The following TNPO3 variants were observed in gnomAD, a reference collection of about 807,000 sequenced individuals.
TNPO3 encodes the protein transportin-3.
A neutral mutation model predicts 122.8 loss-of-function variants in TNPO3; 65 were observed. The observed-to-expected ratio is 0.53, with a 90% CI of 0.43 to 0.65. TNPO3 has a LOEUF of 0.65. Among genes scored for constraint, TNPO3 ranks in the 30% least tolerant of loss-of-function variants. The pLI, the probability that TNPO3 is intolerant of heterozygous loss-of-function variation, is 0.00. For synonymous variants in TNPO3, 372 were observed against 411.2 expected, an observed-to-expected ratio of 0.90 and a Z score of 1.15; for missense variants, 850 against 1,136.7, an observed-to-expected ratio of 0.75 and a Z score of 3.63.
Position 128,954,555 on chromosome 7 carries a change from CCA to C in TNPO3, c.*860_*861del, listed in dbSNP as rs1354837201. ...TGCACTCCCCACCCACCCGCCCACC[CCA>C]GTTTTGGCTCTTCTCTCCAAGGCAG... On this transcript the variant is annotated 3_prime_UTR_variant, in exon 23 of 23. Transcript: ENST00000265388. 6 of 137,986 alleles carry C rather than the reference CCA, an allele frequency of 4.3e-5. No individual in the cohort carries two copies. Among genetic ancestry groups the C allele is most frequent in the Admixed American group, 7.2e-5 (1 of 13,950 alleles). 8.5% of individuals were successfully genotyped at this position (137,986 alleles called of 1,614,324 possible).
intron 4 of TNPO3, among the ~76,000 whole-genome samples, chr7:129,006,587 C>A (rs1802602038): frequency 6.6e-6 from 1 of 152,124 alleles, no homozygotes; most frequent in Non-Finnish European, 1.5e-5. Flanking sequence ...CTCTTGCAAG[C>A]AATGAGTTAG....
intron 1 of TNPO3, among the ~76,000 whole-genome samples, chr7:129,050,917 A>G (rs927748098): frequency 3.3e-5 from 5 of 152,248 alleles, no homozygotes; most frequent in Admixed American, 3.3e-4. Context: ...CCAGCACAAC[A>G]AAGAGGCAAA....
Position 129,017,026 on chromosome 7 carries a change from G to A in TNPO3, c.352C>T (p.Gln118Ter). The change falls in exon 3 of 23, where the codon CAG becomes TAG. Residue 118 changes from glutamine to a stop codon, truncating the protein, a stop_gained. Transcript: ENST00000265388. LOFTEE classifies it high-confidence loss of function. ...ACACATCCCTTCCAGGAAGGCATCT[G>A]TAGGGCAAGATCTGCTATTGCTAAA... ...LALAIADLAL[Q>*]MPSWKGCVQT... 1 of 1,612,858 alleles carries A rather than the reference G, an allele frequency of 6.2e-7. No homozygotes were observed. The highest frequency in any genetic ancestry group is 8.5e-7 in the Non-Finnish European group (1 of 1,179,962).
chr7:129,002,490 A>G (rs1353372590), intron 5 of TNPO3, among the ~76,000 whole-genome samples: 1 of 152,232 alleles, frequency 6.6e-6, no homozygotes, highest in Non-Finnish European at 1.5e-5. Flanking sequence ...TTTTAAAAGG[A>G]TATTTAAAAT....
intron 1 of TNPO3, among the ~76,000 whole-genome samples, chr7:129,048,211 C>A (rs1372696548): frequency 1.3e-5 from 2 of 152,100 alleles, no homozygotes; most frequent in African/African-American, 4.8e-5. Flanking sequence ...GCCTGGGTAA[C>A]AGAGTGAGAC....
chr7:129,042,282 G>A (rs566674480), intron 1 of TNPO3, among the ~76,000 whole-genome samples: 10 of 152,230 alleles, frequency 6.6e-5, no homozygotes, highest in African/African-American at 2.2e-4. Context: ...ATGAGTGAAC[G>A]ATATTATTTA....
At chr7:128,962,281 C>T (rs1359479804) in intron 21 of TNPO3, among the ~76,000 whole-genome samples, 2 of 148,832 alleles carry the variant, frequency 1.3e-5, no homozygotes, top group East Asian at 2.0e-4. Flanking sequence ...AGGAGAATGG[C>T]GTGAACCCGG....
intron 1 of TNPO3, among the ~76,000 whole-genome samples, chr7:129,023,949 T>C (rs760644831): frequency 1.3e-5 from 2 of 152,132 alleles, no homozygotes; most frequent in African/African-American, 2.4e-5. Flanking sequence ...CACTGAACAA[T>C]AACAGCTAGT....
At chr7:129,038,591 C>A (rs1449261064) in intron 1 of TNPO3, among the ~76,000 whole-genome samples, 1 of 152,148 alleles carries the variant, frequency 6.6e-6, no homozygotes, top group Non-Finnish European at 1.5e-5. Context: ...AAATGCCCAA[C>A]AACAGTGGAC....
At chr7:128,992,974 AAG>A (rs1800908086) in intron 9 of TNPO3, among the ~76,000 whole-genome samples, 1 of 145,150 alleles carries the variant, frequency 6.9e-6, no homozygotes, top group Non-Finnish European at 1.5e-5. Flanking sequence ...TCATCTGTCT[AAG>A]ATCCAGGGAT....
intron 1 of TNPO3, among the ~76,000 whole-genome samples, chr7:129,027,761 GA>G (rs1377193136): frequency 2.0e-5 from 3 of 152,166 alleles, no homozygotes; most frequent in African/African-American, 7.2e-5. Context: ...GAAAGTGGAA[GA>G]CAAGAGGCTA....
rs1798582554 is a variant in TNPO3, at chr7:128,972,407, G to A, written c.2430+19C>T. 1 of 1,599,176 alleles carries A rather than the reference G, an allele frequency of 6.3e-7. No homozygotes were observed. The highest frequency in any genetic ancestry group is 1.3e-5 in the African/African-American group (1 of 74,378). ...AGATAAAAGCTGTTAAGTAGAAATG[G>A]TATCATTTTTATACTTACATCATTG... On this transcript the variant is annotated intron_variant, in intron 19 of 22. Transcript: ENST00000265388.
chr7:128,995,516 A>G (rs557182186), intron 8 of TNPO3, among the ~76,000 whole-genome samples: 2 of 152,352 alleles, frequency 1.3e-5, no homozygotes, highest in Admixed American at 1.3e-4. Flanking sequence ...TAACATTATA[A>G]AGCACTATAC....
chr7:129,035,619 G>C (rs908922110), intron 1 of TNPO3, among the ~76,000 whole-genome samples: 2 of 149,474 alleles, frequency 1.3e-5, no homozygotes, highest in Non-Finnish European at 1.5e-5. Context: ...ACGTCGGGGG[G>C]AAAAAAAAAG....
intron 1 of TNPO3, among the ~76,000 whole-genome samples, chr7:129,047,088 C>T (rs1016280931): frequency 6.6e-6 from 1 of 152,218 alleles, no homozygotes; most frequent in African/African-American, 2.4e-5. Flanking sequence ...TCTATCAAAG[C>T]ATGACTTTAC....
intron 1 of TNPO3, among the ~76,000 whole-genome samples, chr7:129,031,333 A>T (rs1036701226): frequency 6.6e-6 from 1 of 151,892 alleles, no homozygotes; most frequent in African/African-American, 2.4e-5. Context: ...AAATAAGAGG[A>T]TTTAAATAAC....
chr7:128,967,474 A>C, intron 20 of TNPO3, 82 bp from the exon 21 acceptor site: 1 of 891,180 alleles, frequency 1.1e-6, no homozygotes, highest in Middle Eastern at 2.3e-4. Flanking sequence ...ACAAAACCCC[A>C]CAAATTTTCC....
intron 9 of TNPO3, among the ~76,000 whole-genome samples, chr7:128,993,589 TA>T (rs1800982868): frequency 6.6e-6 from 1 of 152,126 alleles, no homozygotes; most frequent in East Asian, 1.9e-4. Context: ...GCATACAGAG[TA>T]AACCATAACC....
chr7:129,018,011 T>C lies in TNPO3; in HGVS notation c.267A>G (p.Ser89=). The C allele has an allele frequency of 6.2e-7, 1 of 1,614,146 alleles. No individual in the cohort carries two copies. Among genetic ancestry groups the C allele is most frequent in the Non-Finnish European group, 8.5e-7 (1 of 1,180,020 alleles). The change falls in exon 2 of 23, where the codon TCA becomes TCG. Residue 89 remains serine, a synonymous_variant. Coordinates refer to ENST00000265388, the MANE Select transcript of TNPO3 (RefSeq NM_012470.4). ...PTDSHASLRD[S]LLTHIQNLKD... is the part of the protein sequence containing the mutation. The stretch of plus-strand genomic sequence containing the variant: ...TCAAGTTCTGGATATGGGTTAGCAA[T>C]GAGTCCCGTAAAGAGGCATGAGAGT...
Sources: gnomAD v4.1 joint callset for allele counts (sites outside exome capture counted in the v4.1 genomes callset) on GRCh38, gnomAD v4.1.1 for gene constraint, MANE v1.5 for transcripts, NCBI Gene and HGNC (gene_info 2026-07-23, HGNC 2026-07-21) for gene names.